The following SLC22A25 variants were observed in gnomAD, a reference collection of about 807,000 sequenced individuals.
SLC22A25 encodes MGI:2442751, MGI:2385316, MGI:3042283, MGI:3645714, MGI:3605624, MGI:2442750.
SLC22A25 carries 44 observed loss-of-function variants against 45.9 expected under a neutral mutation model. The ratio of observed to expected loss-of-function variants is 0.96; its 90% CI spans 0.75 to 1.23. The LOEUF (loss-of-function observed/expected upper bound fraction) is 1.23, where lower values mean the gene tolerates loss of function less well. Ranked by LOEUF, SLC22A25 falls within the 50% of genes most tolerant of loss-of-function variation. The pLI is 0.00. For synonymous variants in SLC22A25, 283 were observed against 238.6 expected (o/e 1.19, Z -1.72); for missense variants, 800 against 666.4 (o/e 1.20, Z -2.21).
chr11:63,168,572 T>C (rs1216578944), intron 9 of SLC22A25, among the ~76,000 whole-genome samples: 1 of 151,464 alleles, frequency 6.6e-6, no homozygotes, highest in East Asian at 1.9e-4. Context: ...ATATGAGAGA[T>C]TGAAGGTCAA....
chr11:63,234,849 T>G (rs757742910), intron 3 of SLC22A25, among the ~76,000 whole-genome samples: 1 of 152,234 alleles, frequency 6.6e-6, no homozygotes, highest in Admixed American at 6.5e-5. Context: ...ACAAACTCTC[T>G]CAGCATTTGC....
chr11:63,207,285 A>G (rs2089432803), intron 7 of SLC22A25, among the ~76,000 whole-genome samples: 1 of 152,240 alleles, frequency 6.6e-6, no homozygotes, highest in Non-Finnish European at 1.5e-5. Flanking sequence ...TAATTAAGCT[A>G]AAGAGCTTCT....
chr11:63,198,176 A>G (rs2089118688), intron 7 of SLC22A25, among the ~76,000 whole-genome samples: 1 of 152,186 alleles, frequency 6.6e-6, no homozygotes, highest in Admixed American at 6.5e-5. Context: ...TGATTCCTGA[A>G]GGATCTAGAA....
chr11:63,242,279 T>C (rs1237024262), intron 1 of SLC22A25, among the ~76,000 whole-genome samples: 1 of 152,102 alleles, frequency 6.6e-6, no homozygotes, highest in Non-Finnish European at 1.5e-5. Context: ...AGGAAGGATG[T>C]CTCTTAGGCA....
Position 63,229,349 on chromosome 11 carries a change from T to G in SLC22A25, c.304A>C (p.Asn102His). The G allele has an allele frequency of 1.2e-6, 2 of 1,613,902 alleles. No homozygotes were observed. The highest frequency in any genetic ancestry group is 1.7e-6 in the Non-Finnish European group (2 of 1,179,868). ...VHPQWKLIHL[N>H]GTFPNTSEPD... is the part of the protein sequence containing the mutation. ...TCACTCGTGTTGGGGAAGGTCCCATTCAGATGAATGAGCTTCCACTGGGGA... is the reference window on the plus strand; with the variant it reads ...TCACTCGTGTTGGGGAAGGTCCCATGCAGATGAATGAGCTTCCACTGGGGA... The change falls in exon 4 of 12, where the codon AAT (asparagine) becomes CAT (histidine). Residue 102 changes from asparagine (N) to histidine (H), a missense_variant. Physicochemically the swap from Asn to His is moderately conservative, Grantham distance 68. Coordinates refer to ENST00000306494, the MANE Select transcript of SLC22A25 (RefSeq NM_199352.6).
chr11:63,212,986 T>TTA (rs1191458064), intron 7 of SLC22A25, among the ~76,000 whole-genome samples: 1 of 152,068 alleles, frequency 6.6e-6, no homozygotes, highest in Non-Finnish European at 1.5e-5. Flanking sequence ...GTGAAGCTGG[T>TTA]TATAAAGTGT....
Position 63,162,214 on chromosome 11 carries a change from GT to G in SLC22A25, c.*1609del, listed in dbSNP as rs2087545606. 6.6e-6 allele frequency among the ~76,000 whole-genome samples: 1 copy of G among 152,130 alleles called. No homozygotes were observed. The highest frequency in any genetic ancestry group is 2.4e-5 in the African/African-American group (1 of 41,432). On this transcript the variant is annotated 3_prime_UTR_variant, in exon 12 of 12. Coordinates refer to ENST00000306494, the MANE Select transcript of SLC22A25 (RefSeq NM_199352.6). ...GCAAGTATTTTCTCCCATTCTGTGG[GT>G]TGCCTCTTTACTTTGTTGAATGTAT...
At chr11:63,216,110 T>C (rs764229438) in intron 7 of SLC22A25, among the ~76,000 whole-genome samples, 7 of 152,100 alleles carry the variant, frequency 4.6e-5, no homozygotes, top group Non-Finnish European at 1.0e-4. Flanking sequence ...TATGACCGAC[T>C]ATTATGAAAA....
chr11:63,237,445 C>T (rs185462912), intron 3 of SLC22A25, among the ~76,000 whole-genome samples: 18 of 152,304 alleles, frequency 1.2e-4, no homozygotes, highest in Admixed American at 4.6e-4. Context: ...GTCTTGTGAC[C>T]TTGCTTGCCC....
chr11:63,236,264 G>A (rs565519882), intron 3 of SLC22A25, among the ~76,000 whole-genome samples: 24 of 152,322 alleles, frequency 1.6e-4, no homozygotes, highest in East Asian at 7.7e-4. Context: ...AAGCAGGCAG[G>A]CCTCCTTGAG....
intron 7 of SLC22A25, among the ~76,000 whole-genome samples, chr11:63,209,332 A>G (rs12272448): frequency 1.3e-5 from 2 of 152,156 alleles, no homozygotes; most frequent in African/African-American, 4.8e-5. Context: ...CAGGAAAAGG[A>G]ATCCCTGAAG....
intron 10 of SLC22A25, among the ~76,000 whole-genome samples, 154 bp downstream of exon 10, chr11:63,165,890 T>C (rs1281717299): frequency 6.6e-6 from 1 of 152,350 alleles, no homozygotes; most frequent in Non-Finnish European, 1.5e-5. Context: ...AACTTCCGTG[T>C]GGCAAAATCT....
chr11:63,198,744 A>C (rs967497621), intron 7 of SLC22A25, among the ~76,000 whole-genome samples: 1 of 152,148 alleles, frequency 6.6e-6, no homozygotes, highest in African/African-American at 2.4e-5. Context: ...AAATCAAGAC[A>C]AGAAATTTAT....
At chr11:63,180,424 A>G (rs1174816035) in intron 9 of SLC22A25, among the ~76,000 whole-genome samples, 3 of 152,186 alleles carry the variant, frequency 2.0e-5, no homozygotes, top group Non-Finnish European at 4.4e-5. Context: ...AGTTCTTAGC[A>G]TAAGTCTCCA....
At chr11:63,204,389 T>C (rs1302281867) in intron 7 of SLC22A25, among the ~76,000 whole-genome samples, 1 of 152,184 alleles carries the variant, frequency 6.6e-6, no homozygotes, top group Non-Finnish European at 1.5e-5. Context: ...TCAAGACCCA[T>C]CTGTGTGCTG....
intron 10 of SLC22A25, 34 bp downstream of exon 10, chr11:63,166,010 C>A (rs761571119): frequency 6.2e-7 from 1 of 1,606,232 alleles, no homozygotes; most frequent in East Asian, 2.2e-5. Flanking sequence ...GAGGGAAAGA[C>A]ATTTTCTTTC....
chr11:63,239,732 G>GT (rs992475153), intron 1 of SLC22A25, among the ~76,000 whole-genome samples: 6 of 152,174 alleles, frequency 3.9e-5, no homozygotes, highest in African/African-American at 1.4e-4. Flanking sequence ...AAAGGGCAGA[G>GT]TCAGGGTAGT....
At chr11:63,212,271 G>T (rs1266252390) in intron 7 of SLC22A25, among the ~76,000 whole-genome samples, 1 of 151,904 alleles carries the variant, frequency 6.6e-6, no homozygotes, top group Non-Finnish European at 1.5e-5. Flanking sequence ...ATTCCTCAGG[G>T]ATCTAGAACT....
At position 63,163,720 on chromosome 11, in the gene SLC22A25, G is replaced by T; in HGVS notation, c.*104C>A. ...ATGAGGTCACTGTGGAAGGGATGAG[G>T]ATACACCAAAGGCAAAGGCACTGAC... On this transcript the variant is annotated 3_prime_UTR_variant, in exon 12 of 12. Transcript: ENST00000306494. The T allele has an allele frequency of 6.8e-7, 1 of 1,464,372 alleles. No homozygotes were observed. The allele number at this position is 1,464,372 out of a possible 1,614,324, so 90.7% of individuals were successfully genotyped here. A position where few individuals can be genotyped will look rare whatever the true frequency, so the allele number is the denominator to read the frequency against.
Sources: allele counts gnomAD v4.1 joint callset (sites outside exome capture counted in the v4.1 genomes callset), GRCh38; gene constraint gnomAD v4.1.1; transcripts MANE v1.5; gene names NCBI Gene and HGNC (gene_info 2026-07-23, HGNC 2026-07-21).